The following FXR1 variants were observed in gnomAD, a reference collection of about 807,000 sequenced individuals.
FXR1 encodes the protein RNA-binding protein FXR1.
Under a neutral mutation model 84.0 loss-of-function variants are expected in FXR1, and 15 were observed. The observed-to-expected ratio is 0.18, with a 90% CI of 0.12 to 0.27. FXR1 has a LOEUF of 0.27. Among genes scored for constraint, FXR1 ranks in the 10% least tolerant of loss-of-function variants. The probability of loss-of-function intolerance (pLI) is 1.00; values close to 1 mark genes in which losing one functional copy is unlikely to be tolerated. For missense variants in FXR1, 480 were observed against 774.4 expected (o/e 0.62, Z 4.51); for synonymous variants, 245 against 250.7 (o/e 0.98, Z 0.21).
chr3:180,950,597 T>C (rs1451635060), intron 7 of FXR1, among the ~76,000 whole-genome samples: 1 of 152,278 alleles, frequency 6.6e-6, no homozygotes, highest in East Asian at 1.9e-4. Context: ...GTACATCTCA[T>C]CTTGTAAAAC....
intron 1 of FXR1, among the ~76,000 whole-genome samples, chr3:180,931,185 C>A (rs951344007): frequency 1.3e-5 from 2 of 151,966 alleles, no homozygotes; most frequent in Non-Finnish European, 2.9e-5. Flanking sequence ...TAAATATCTC[C>A]AGAATTGCAA....
At chr3:180,962,827 T>C in intron 11 of FXR1, 56 bp from the exon 12 acceptor site, 1 of 1,230,694 alleles carries the variant, frequency 8.1e-7, no homozygotes, top group Non-Finnish European at 1.2e-6. Flanking sequence ...CTTTAGGCTT[T>C]AGGAAAACAA....
At chr3:180,915,709 T>G in intron 1 of FXR1, 1 of 696,968 alleles carries the variant, frequency 1.4e-6, no homozygotes, top group Non-Finnish European at 2.6e-6. Flanking sequence ...AAGTGTGAAT[T>G]GCCATTGATG....
At chr3:180,931,605 T>C (rs1719908695) in intron 1 of FXR1, among the ~76,000 whole-genome samples, 1 of 152,016 alleles carries the variant, frequency 6.6e-6, no homozygotes, top group African/African-American at 2.4e-5. Context: ...GGCACACAAA[T>C]AAATGAGACA....
intron 1 of FXR1, among the ~76,000 whole-genome samples, chr3:180,928,932 T>G (rs1006742660): frequency 9.6e-6 from 1 of 104,142 alleles, no homozygotes; most frequent in Non-Finnish European, 2.4e-5. Context: ...TTTTTGTTTG[T>G]TTTTTTTTAG....
chr3:180,971,116 A>G, intron 15 of FXR1: 6 of 1,278,460 alleles, frequency 4.7e-6, no homozygotes, highest in Non-Finnish European at 6.1e-6. Flanking sequence ...TCGTAGCCGC[A>G]GGCGTCGCTT....
At chr3:180,959,967 C>G (rs1711875769) in intron 10 of FXR1, among the ~76,000 whole-genome samples, 1 of 151,694 alleles carries the variant, frequency 6.6e-6, no homozygotes, top group African/African-American at 2.4e-5. Context: ...CAAAAAAATC[C>G]CTAAACCATT....
intron 2 of FXR1, 92 bp downstream of exon 2, chr3:180,933,478 G>A: frequency 1.3e-6 from 1 of 741,378 alleles, no homozygotes; most frequent in Non-Finnish European, 2.4e-6. Context: ...GTGGAAAAAT[G>A]ATTTTGCTTT....
chr3:180,938,796 C>A (rs959305356), intron 3 of FXR1, among the ~76,000 whole-genome samples: 12 of 152,214 alleles, frequency 7.9e-5, no homozygotes, highest in Non-Finnish European at 1.5e-5. Context: ...GATCAGCCTG[C>A]CTTGGCCTCC....
At chr3:180,975,527 TAA>T in intron 16 of FXR1, 123 bp downstream of exon 16, 1 of 478,206 alleles carries the variant, frequency 2.1e-6, no homozygotes, top group East Asian at 3.5e-5. Flanking sequence ...CTATTTTAGT[TAA>T]AGACTCTTGA....
At chr3:180,970,415 T>TATAG (rs1713411195) in intron 15 of FXR1, 57 bp downstream of exon 15, 1 of 290,348 alleles carries the variant, frequency 3.4e-6, no homozygotes, top group East Asian at 6.7e-5. Flanking sequence ...TATATATATA[T>TATAG]ATATATAATT....
chr3:180,961,330 A>G (rs1712066992), intron 10 of FXR1, 138 bp from the exon 11 acceptor site: 1 of 529,544 alleles, frequency 1.9e-6, no homozygotes, highest in Non-Finnish European at 3.2e-6. Flanking sequence ...ACAGAGCAAG[A>G]CGTCATCTCA....
chr3:180,969,106 T>A (rs1016032945), intron 14 of FXR1, among the ~76,000 whole-genome samples: 2 of 151,600 alleles, frequency 1.3e-5, no homozygotes, highest in Admixed American at 1.3e-4. Context: ...CTGGAACAAA[T>A]CAGGGCAAAA....
At chr3:180,926,375 T>G (rs1719178822) in intron 1 of FXR1, among the ~76,000 whole-genome samples, 1 of 151,580 alleles carries the variant, frequency 6.6e-6, no homozygotes, top group Non-Finnish European at 1.5e-5. Context: ...GTCTCCTGCT[T>G]TACCATGAAA....
chr3:180,971,597 A>G (rs1021888356), intron 15 of FXR1: 1 of 152,640 alleles, frequency 6.6e-6, no homozygotes, highest in African/African-American at 2.4e-5. Flanking sequence ...ATTAAAAAAA[A>G]AGTATAAAAG....
chr3:180,916,732 G>A (rs1346668722), intron 1 of FXR1, among the ~76,000 whole-genome samples: 1 of 151,764 alleles, frequency 6.6e-6, no homozygotes, highest in Non-Finnish European at 1.5e-5. Flanking sequence ...AATAGAAGTT[G>A]GAAGTAAGTC....
intron 1 of FXR1, among the ~76,000 whole-genome samples, chr3:180,928,508 G>A (rs1206643233): frequency 6.6e-6 from 1 of 151,690 alleles, no homozygotes; most frequent in East Asian, 1.9e-4. Flanking sequence ...AATTTTAGGG[G>A]CATATTGAAA....
chr3:180,945,651 C>T lies in FXR1; in HGVS notation c.199-2214C>T, dbSNP rs75116146. On this transcript the variant is annotated intron_variant, in intron 3 of 16. Transcript: ENST00000357559. ...TTGAACTCCTGAGCTCTCAAGCAGT[C>T]GACCTGCTTTGGCTCCCCAAAGTTT... Among the ~76,000 whole-genome samples, 346 of 152,304 alleles carry T rather than the reference C, an allele frequency of 2.3e-3. 1 individual carries two copies. The highest frequency in any genetic ancestry group is 8.0e-3 in the African/African-American group (333 of 41,554).
At chr3:180,949,435 A>G (rs1721997416) in intron 7 of FXR1, 92 bp downstream of exon 7, 2 of 758,786 alleles carry the variant, frequency 2.6e-6, no homozygotes, top group South Asian at 1.4e-5. Flanking sequence ...TGCCCAGGCT[A>G]GAGTGCAGTG....
Sources: allele counts gnomAD v4.1 joint callset (sites outside exome capture counted in the v4.1 genomes callset), GRCh38; gene constraint gnomAD v4.1.1; transcripts MANE v1.5; gene names NCBI Gene and HGNC (gene_info 2026-07-23, HGNC 2026-07-21).